The following KIF1C variants were observed in gnomAD, a reference collection of about 807,000 sequenced individuals.
The protein encoded by KIF1C is kinesin-like protein KIF1C.
Under a neutral mutation model 126.5 loss-of-function variants are expected in KIF1C, and 61 were observed. That is an observed-to-expected ratio of 0.48 (90% CI 0.39 to 0.60). KIF1C has a LOEUF of 0.60. KIF1C is among the 20% of genes least tolerant of loss of function. The pLI is 0.00. For synonymous variants in KIF1C, 640 were observed against 580.6 expected (o/e 1.10, Z -1.47); for missense variants, 1,315 against 1,489.2 (o/e 0.88, Z 1.93).
chr17:5,009,714 G>A (rs182392614), intron 16 of KIF1C, among the ~76,000 whole-genome samples: 61 of 150,400 alleles, frequency 4.1e-4, no homozygotes, highest in Admixed American at 4.0e-3. Flanking sequence ...CATGAACCCG[G>A]GAGGCAGAGG....
At chr17:5,007,650 C>A in intron 16 of KIF1C, 108 bp downstream of exon 16, 1 of 822,814 alleles carries the variant, frequency 1.2e-6, no homozygotes, top group South Asian at 2.4e-5. Context: ...CCTTTGAGGT[C>A]CCCGGCTTGT....
At position 5,007,056 on chromosome 17, in the gene KIF1C, G is replaced by A; in HGVS notation, c.1307G>A (p.Gly436Glu). The A allele has an allele frequency of 6.2e-7, 1 of 1,600,498 alleles. No individual in the cohort carries two copies. The highest frequency in any genetic ancestry group is 8.5e-7 in the Non-Finnish European group (1 of 1,175,826). The change falls in exon 14 of 23, where the codon GGG becomes GAG. Residue 436 changes from glycine (G) to glutamate (E), a missense_variant. By Grantham distance (98) the Gly-to-Glu change is moderately conservative. Around this residue, in one of 2 missense-constraint regions of KIF1C, gnomAD observed 874 missense variants for 1,053.2 expected, o/e 0.83. Transcript: ENST00000320785. The part of the protein sequence containing the change: ...SFSPNTESQI[G>E]PEEAMERLQE... ...TCCCCCAACACGGAGTCCCAGATTG[G>A]GCCTGAGGAAGCCATGGAGAGGCTG... is the stretch of plus-strand genomic sequence containing the variant.
chr17:5,008,743 G>T (rs150834363), intron 16 of KIF1C, among the ~76,000 whole-genome samples: 1 of 152,188 alleles, frequency 6.6e-6, no homozygotes, highest in Admixed American at 6.5e-5. Context: ...CTGGGGCTGG[G>T]TACCCTGGGG....
Position 5,003,762 on chromosome 17 carries a change from C to T in KIF1C, c.798+73C>T. ...TGTATGTGGAGGTCTCCAGTCGGAA[C>T]CTGAGACTCTCACTGGGGAGGTAGG... On this transcript the variant is annotated intron_variant, in intron 9 of 22. Transcript: ENST00000320785. 7 of 1,555,038 alleles carry T rather than the reference C, an allele frequency of 4.5e-6. No homozygotes were observed. In the South Asian group the frequency reaches 5.6e-5, roughly 12 times the overall value.
chr17:5,009,186 CT>C (rs537589988), intron 16 of KIF1C, among the ~76,000 whole-genome samples: 98 of 144,278 alleles, frequency 6.8e-4, no homozygotes, highest in South Asian at 3.7e-3. Context: ...ATTATGAGTT[CT>C]TTTTTTTTTT....
chr17:5,023,902 G>C lies in KIF1C; in HGVS notation c.3063G>C (p.Pro1021=), dbSNP rs762990681. The change falls in exon 23 of 23, where the codon CCG becomes CCC. Residue 1021 remains proline, a synonymous_variant. Coordinates refer to ENST00000320785, the MANE Select transcript of KIF1C (RefSeq NM_006612.6). This position sits in a 1 kb window ranked among gnomAD's most constrained non-coding sequence, Gnocchi z 4.2. The part of the protein sequence containing the change: ...PHPATPARRP[P]SPRRSHHPRR... ...CAGCCACCCCTGCCCGCCGGCCTCC[G>C]AGTCCCCGAAGGTCCCACCATCCCC... is the stretch of plus-strand genomic sequence containing the variant. 5 of 1,551,558 alleles carry C rather than the reference G, an allele frequency of 3.2e-6. No homozygotes were observed. Among genetic ancestry groups the C allele is most frequent in the South Asian group, 1.2e-5 (1 of 81,972 alleles).
At chr17:5,003,725 A>G in intron 9 of KIF1C, 36 bp downstream of exon 9, 1 of 1,591,906 alleles carries the variant, frequency 6.3e-7, no homozygotes, top group South Asian at 1.1e-5. Flanking sequence ...GTTGTGGGGC[A>G]GTGTTGTGGG....
chr17:5,006,637 C>T (rs1256635550), intron 13 of KIF1C, among the ~76,000 whole-genome samples: 2 of 152,158 alleles, frequency 1.3e-5, no homozygotes, highest in African/African-American at 2.4e-5. Context: ...CACCTAGCCC[C>T]ACCTAAGAAT....
At chr17:5,018,074 G>A (rs533189304) in intron 18 of KIF1C, among the ~76,000 whole-genome samples, 12 of 152,030 alleles carry the variant, frequency 7.9e-5, no homozygotes, top group East Asian at 2.0e-4. Context: ...TCAACCTCCC[G>A]GGTTAAAGTG....
Position 5,023,779 on chromosome 17 carries a change from C to A in KIF1C, c.2940C>A (p.Pro980=). The A allele has an allele frequency of 6.6e-7, 1 of 1,521,992 alleles. No homozygotes were observed. Among genetic ancestry groups the A allele is most frequent in the Non-Finnish European group, 8.8e-7 (1 of 1,137,926 alleles). 94.3% of individuals were successfully genotyped at this position (1,521,992 alleles called of 1,614,324 possible). Residue 980 remains proline (P), a synonymous_variant, in exon 23 of 23, where the codon CCC becomes CCA. Coordinates refer to ENST00000320785, the MANE Select transcript of KIF1C (RefSeq NM_006612.6). This position sits in a 1 kb window ranked among gnomAD's most constrained non-coding sequence, Gnocchi z 4.2. ...VPPHDCKLRF[P]FKSNPQHRES... ...CTCACGACTGCAAGCTACGCTTCCCCTTCAAGAGCAACCCCCAGCACCGGG... is the reference window on the plus strand; with the variant it reads ...CTCACGACTGCAAGCTACGCTTCCCATTCAAGAGCAACCCCCAGCACCGGG...
intron 18 of KIF1C, among the ~76,000 whole-genome samples, chr17:5,016,397 T>G (rs1199303147): frequency 1.3e-5 from 2 of 151,804 alleles, no homozygotes; most frequent in African/African-American, 4.8e-5. Flanking sequence ...ATTACAGGCT[T>G]GAGCCACCAC....
At position 5,023,796 on chromosome 17, in the gene KIF1C, A is replaced by G. The variant is rs774122476; in HGVS notation, c.2957A>G (p.Gln986Arg). Reference protein sequence around the residue: ...KLRFPFKSNPQHRESWPGMGS... With the variant: ...KLRFPFKSNPRHRESWPGMGS... ...CGCTTCCCCTTCAAGAGCAACCCCC[A>G]GCACCGGGAGTCTTGGCCAGGGATG... The change falls in exon 23 of 23, where the codon CAG (glutamine) becomes CGG (arginine). Residue 986 changes from glutamine to arginine, a missense_variant. Physicochemically the swap from Gln to Arg is conservative, Grantham distance 43 (BLOSUM62 1). Transcript: ENST00000320785. This position sits in a 1 kb window ranked among gnomAD's most constrained non-coding sequence, Gnocchi z 4.2. The G allele has an allele frequency of 2.6e-6, 4 of 1,518,780 alleles. No homozygotes were observed. The highest frequency in any genetic ancestry group is 3.5e-6 in the Non-Finnish European group (4 of 1,135,474). The allele number at this position is 1,518,780 out of a possible 1,614,324, so 94.1% of individuals were successfully genotyped here.
intron 18 of KIF1C, 99 bp downstream of exon 18, chr17:5,014,936 G>A: frequency 1.0e-6 from 1 of 960,010 alleles, no homozygotes; most frequent in Non-Finnish European, 1.6e-6. Context: ...ACCAGGGAGT[G>A]CAGCCATATA....
In KIF1C at chr17:5,026,709, C is replaced by T. The variant is rs1975213245; in HGVS notation, c.*2558C>T. 1 of 140,098 alleles carries T rather than the reference C, an allele frequency of 7.1e-6. No individual in the cohort carries two copies. The highest frequency in any genetic ancestry group is 2.7e-5 in the African/African-American group (1 of 36,862). 8.7% of individuals were successfully genotyped at this position (140,098 alleles called of 1,614,324 possible). A position where few individuals can be genotyped will look rare whatever the true frequency, so the allele number is the denominator to read the frequency against. Reference sequence around the variant, plus strand: ...GTGGTGAGCTGTGAAGGCACCACAGCACTCTGGCCTGGGCAAGAGTGGGAC... The same window carrying T: ...GTGGTGAGCTGTGAAGGCACCACAGTACTCTGGCCTGGGCAAGAGTGGGAC... On this transcript the variant is annotated 3_prime_UTR_variant, in exon 23 of 23. Coordinates refer to ENST00000320785, the MANE Select transcript of KIF1C (RefSeq NM_006612.6).
At chr17:5,002,352 C>T (rs1305937471) in intron 6 of KIF1C, 112 bp from the exon 7 acceptor site, 11 of 1,111,922 alleles carry the variant, frequency 9.9e-6, no homozygotes, top group African/African-American at 4.7e-5. Context: ...CAGAATGCTT[C>T]GCACTGTGTA....
At chr17:5,000,978 G>T in intron 4 of KIF1C, 130 bp downstream of exon 4, 1 of 1,012,282 alleles carries the variant, frequency 9.9e-7, no homozygotes, top group East Asian at 2.4e-5. Context: ...GATCCTGGGT[G>T]GGGGTGGTAG....
In KIF1C at chr17:5,002,831, G is replaced by T; in HGVS notation, c.709G>T (p.Asp237Tyr). The T allele has an allele frequency of 6.2e-7, 1 of 1,609,340 alleles. No homozygotes were observed. Among genetic ancestry groups the T allele is most frequent in the South Asian group, 1.1e-5 (1 of 90,964 alleles). ...CTGCCATGACCAGCTCACGGGGCTG[G>T]ACTCGGAGAAGGTGGGATCGCCCCC... is the stretch of plus-strand genomic sequence containing the variant. ...QRCHDQLTGL[D>Y]SEKVSKISLV... Residue 237 changes from aspartate (D) to tyrosine (Y), a missense_variant, in exon 8 of 23, where the codon GAC becomes TAC. Physicochemically the swap from Asp to Tyr is radical, Grantham distance 160. Around this residue, in one of 2 missense-constraint regions of KIF1C, gnomAD observed 874 missense variants for 1,053.2 expected, o/e 0.83. Coordinates refer to ENST00000320785, the MANE Select transcript of KIF1C (RefSeq NM_006612.6).
chr17:5,007,287 C>A lies in KIF1C; in HGVS notation c.1360C>A (p.Leu454Met), dbSNP rs770218338. 6.2e-7 allele frequency: 1 copy of A among 1,611,204 alleles called. No individual in the cohort carries two copies. Among genetic ancestry groups the A allele is most frequent in the Non-Finnish European group, 8.5e-7 (1 of 1,178,660 alleles). Residue 454 changes from leucine (L) to methionine (M), a missense_variant, in exon 15 of 23, where the codon CTG becomes ATG. By Grantham distance (15) the Leu-to-Met change is conservative (BLOSUM62 2). Around this residue, in one of 2 missense-constraint regions of KIF1C, gnomAD observed 874 missense variants for 1,053.2 expected, o/e 0.83. Transcript: ENST00000320785. ...LQETEKIIAE[L>M]NETWEEKLRK... ...GGAGACAGAGAAGATTATAGCTGAG[C>A]TGAACGAGACATGGGAGGAGAAGCT...
Position 5,023,893 on chromosome 17 carries a change from C to T in KIF1C, c.3054C>T (p.Arg1018=). ...CTCCCCATCCAGCCACCCCTGCCCG[C>T]CGGCCTCCGAGTCCCCGAAGGTCCC... ...EVTPHPATPA[R]RPPSPRRSHH... is the part of the protein sequence containing the mutation. Residue 1018 remains arginine, a synonymous_variant, in exon 23 of 23, where the codon CGC becomes CGT. Transcript: ENST00000320785. This position sits in a 1 kb window ranked among gnomAD's most constrained non-coding sequence, Gnocchi z 4.2. 6.5e-7 allele frequency: 1 copy of T among 1,547,532 alleles called. No individual in the cohort carries two copies. Among genetic ancestry groups the T allele is most frequent in the South Asian group, 1.2e-5 (1 of 80,992 alleles).
Sources: allele counts gnomAD v4.1 joint callset (sites outside exome capture counted in the v4.1 genomes callset), GRCh38; gene constraint gnomAD v4.1.1; regional missense constraint gnomAD v4.1.1; non-coding constraint Gnocchi (gnomAD v3.1); transcripts MANE v1.5; gene names NCBI Gene and HGNC (gene_info 2026-07-23, HGNC 2026-07-21).